The following TENM2 variants were observed in gnomAD, a reference collection of about 807,000 sequenced individuals.
TENM2 encodes the protein teneurin-2.
TENM2 carries 52 observed loss-of-function variants against 245.2 expected under a neutral mutation model. The ratio of observed to expected loss-of-function variants is 0.21; its 90% CI spans 0.17 to 0.27. The LOEUF is 0.27. Ranked by LOEUF, TENM2 falls within the 10% of genes least tolerant of loss-of-function variation. The pLI, the probability that TENM2 is intolerant of heterozygous loss-of-function variation, is 1.00. For synonymous variants in TENM2, 1,363 were observed against 1,438.9 expected (o/e 0.95, Z 1.19); for missense variants, 3,046 against 3,666.8 (o/e 0.83, Z 4.37).
At chr5:167,454,627 C>T (rs1765803102) in intron 2 of TENM2, among the ~76,000 whole-genome samples, 1 of 152,114 alleles carries the variant, frequency 6.6e-6, no homozygotes, top group African/African-American at 2.4e-5. Flanking sequence ...GTCTTTCTCT[C>T]TCTCCTCGCC....
intron 3 of TENM2, among the ~76,000 whole-genome samples, chr5:167,899,809 A>G (rs1488074517): frequency 1.3e-5 from 2 of 152,226 alleles, no homozygotes; most frequent in Non-Finnish European, 2.9e-5. Flanking sequence ...GTTGCTGGGC[A>G]CATGACCAAG....
chr5:168,067,484 C>T (rs1368721739), intron 7 of TENM2, among the ~76,000 whole-genome samples: 3 of 152,278 alleles, frequency 2.0e-5, no homozygotes, highest in African/African-American at 4.8e-5. Flanking sequence ...TCCTTATCAG[C>T]GGAATTCCCC....
chr5:168,056,617 A>T (rs1789563886), intron 6 of TENM2, among the ~76,000 whole-genome samples: 1 of 152,188 alleles, frequency 6.6e-6, no homozygotes, highest in Non-Finnish European at 1.5e-5. Context: ...AAGTTAGTGT[A>T]GCCTAAGTCT....
chr5:167,464,813 G>T (rs1766538302), intron 2 of TENM2, among the ~76,000 whole-genome samples: 1 of 152,124 alleles, frequency 6.6e-6, no homozygotes, highest in African/African-American at 2.4e-5. Flanking sequence ...TGTTTCATTA[G>T]TATTAGCAAG....
the TENM2 span, among the ~76,000 whole-genome samples, chr5:167,142,848 C>G: frequency 2.1e-4 from 32 of 152,266 alleles, no homozygotes; most frequent in South Asian, 1.9e-3. Flanking sequence ...TTTCTCCCAG[C>G]CTTATTCATA....
intron 24 of TENM2, 136 bp downstream of exon 26, chr5:168,226,399 A>G (rs545228047): frequency 1.4e-5 from 10 of 698,680 alleles, no homozygotes; most frequent in African/African-American, 9.0e-5. Flanking sequence ...ATTTTATTCA[A>G]GTGTCCACAG....
chr5:167,533,873 G>A, intron 2 of TENM2, among the ~76,000 whole-genome samples: 1 of 152,186 alleles, frequency 6.6e-6, no homozygotes, highest in Non-Finnish European at 1.5e-5. Flanking sequence ...AAAATTGACA[G>A]CATGGTATTG....
chr5:167,520,229 C>T (rs1488694686), intron 2 of TENM2, among the ~76,000 whole-genome samples: 1 of 152,144 alleles, frequency 6.6e-6, no homozygotes, highest in African/African-American at 2.4e-5. Context: ...CTGCATTAGA[C>T]TAGGTCTCAT....
In TENM2 at chr5:167,474,403, A is replaced by G. The variant is rs146599826; in HGVS notation, c.502+98930A>G. Among the ~76,000 whole-genome samples the G allele has an allele frequency of 2.8e-3, 429 of 152,274 alleles. 2 individuals are homozygous for G. Among genetic ancestry groups the G allele is most frequent in the African/African-American group, 9.9e-3 (410 of 41,552 alleles). ...GTTCATGAATTCATGTATGGTGTTC[A>G]TTTTATTCCAATCCACAAGAACCTG... On this transcript the variant is annotated intron_variant, in intron 2 of 28. Transcript: ENST00000518659.
chr5:168,047,668 G>A (rs1168202847), intron 6 of TENM2, 119 bp downstream of exon 8: 7 of 1,263,818 alleles, frequency 5.5e-6, no homozygotes, highest in Non-Finnish European at 6.5e-6. Flanking sequence ...AAAGAAACGG[G>A]GGGAAAAATC....
At chr5:167,481,172 G>A (rs932230445) in intron 2 of TENM2, among the ~76,000 whole-genome samples, 6 of 152,108 alleles carry the variant, frequency 3.9e-5, no homozygotes, top group African/African-American at 1.4e-4. Flanking sequence ...ATTACATCCA[G>A]GGCTATCACA....
At chr5:167,034,241 A>G in the TENM2 span, among the ~76,000 whole-genome samples, 2 of 152,214 alleles carry the variant, frequency 1.3e-5, no homozygotes, top group African/African-American at 4.8e-5. Context: ...GAATGAGATG[A>G]TAAACTAATT....
the TENM2 span, among the ~76,000 whole-genome samples, chr5:167,147,606 C>G: frequency 5.3e-4 from 80 of 152,214 alleles, no homozygotes; most frequent in African/African-American, 1.9e-3. Context: ...AAAACCAATG[C>G]AAACATTGAA....
intron 1 of TENM2, among the ~76,000 whole-genome samples, chr5:167,313,396 C>T (rs772775595): frequency 3.9e-5 from 6 of 152,162 alleles, no homozygotes; most frequent in African/African-American, 1.4e-4. Flanking sequence ...AATCCCAGCA[C>T]TTTGGGAGGC....
At chr5:167,096,853 C>T in the TENM2 span, among the ~76,000 whole-genome samples, 15 of 152,252 alleles carry the variant, frequency 9.9e-5, no homozygotes, top group Non-Finnish European at 1.8e-4. Flanking sequence ...CATTTTTAAA[C>T]GAAAGTCTCA....
the TENM2 span, among the ~76,000 whole-genome samples, chr5:167,249,420 T>C: frequency 6.6e-6 from 1 of 152,124 alleles, no homozygotes; most frequent in South Asian, 2.1e-4. Context: ...AGTGCACATT[T>C]TTTCCCGTTC....
At chr5:167,036,216 A>T in the TENM2 span, among the ~76,000 whole-genome samples, 1 of 152,212 alleles carries the variant, frequency 6.6e-6, no homozygotes, top group Non-Finnish European at 1.5e-5. Context: ...CTAGGCCAAG[A>T]GAAAAGCAAG....
chr5:167,377,569 C>T (rs1471215760), intron 2 of TENM2, among the ~76,000 whole-genome samples: 1 of 152,072 alleles, frequency 6.6e-6, no homozygotes, highest in African/African-American at 2.4e-5. Context: ...ATCTTCTGTT[C>T]TCATTCTTGG....
intron 12 of TENM2, among the ~76,000 whole-genome samples, chr5:168,161,941 G>C (rs757730418): frequency 6.6e-6 from 1 of 151,776 alleles, no homozygotes; most frequent in African/African-American, 2.4e-5. Flanking sequence ...TCCCCAATTC[G>C]TGGCACCCAG....
Sources: allele counts gnomAD v4.1 joint callset (sites outside exome capture counted in the v4.1 genomes callset), GRCh38; gene constraint gnomAD v4.1.1; transcripts MANE v1.5; gene names NCBI Gene and HGNC (gene_info 2026-07-23, HGNC 2026-07-21).